The following TASOR2 variants were observed in gnomAD, a reference collection of about 807,000 sequenced individuals.
TASOR2 encodes transcription activation suppressor family member 2.
TASOR2 carries 84 observed loss-of-function variants against 199.5 expected under a neutral mutation model. The ratio of observed to expected loss-of-function variants is 0.42; its 90% CI spans 0.35 to 0.50. The LOEUF (loss-of-function observed/expected upper bound fraction) is 0.50. Ranked by LOEUF, TASOR2 falls within the 20% of genes least tolerant of loss-of-function variation. The pLI, the probability that TASOR2 is intolerant of heterozygous loss-of-function variation, is 0.02. For missense variants in TASOR2, 2,796 were observed against 2,835.9 expected (o/e 0.99, Z 0.32); for synonymous variants, 1,103 against 1,046.6 (o/e 1.05, Z -1.04).
chr10:5,749,327 A>G, exon 15 of TASOR2: 1 of 1,614,198 alleles, frequency 6.2e-7, no homozygotes, highest in African/African-American at 1.3e-5. Flanking sequence ...GTGGCAGACG[A>G]CCTCACCCAG....
At position 5,722,172 on chromosome 10, in the gene TASOR2, G is replaced by C. The variant is rs559717214; in HGVS notation, c.146+1202G>C. ...GGGGTTGTATAAGAAAATTTGCTAGGGGCCAGGCACAGTGGCTCCTGTCTG... is the reference window on the plus strand; with the variant it reads ...GGGGTTGTATAAGAAAATTTGCTAGCGGCCAGGCACAGTGGCTCCTGTCTG... On this transcript the variant is annotated intron_variant, in intron 6 of 20. Transcript: ENST00000328090. The surrounding 1 kb of genome is among the most constrained non-coding windows in gnomAD (Gnocchi z 4.0). 2.6e-5 allele frequency among the ~76,000 whole-genome samples: 4 copies of C among 152,186 alleles called. No individual in the cohort carries two copies. In the East Asian group the frequency reaches 7.7e-4, roughly 29 times the overall value.
chr10:5,717,240 C>G (rs1309789663), intron 2 of TASOR2, among the ~76,000 whole-genome samples: 2 of 152,210 alleles, frequency 1.3e-5, no homozygotes, highest in South Asian at 2.1e-4. Flanking sequence ...TTGACTAGAA[C>G]TGGATAATTT....
chr10:5,739,098 A>C (rs1836014432), intron 12 of TASOR2, among the ~76,000 whole-genome samples: 1 of 152,232 alleles, frequency 6.6e-6, no homozygotes, highest in African/African-American at 2.4e-5. Context: ...AAATCATTTG[A>C]ACTTAGGTAG....
chr10:5,703,349 A>G (rs1838139445), intron 1 of TASOR2, among the ~76,000 whole-genome samples: 1 of 152,094 alleles, frequency 6.6e-6, no homozygotes, highest in African/African-American at 2.4e-5. Context: ...TTTTATGTCT[A>G]ATAAGGCATA....
chr10:5,727,218 GTT>G, intron 10 of TASOR2, 95 bp downstream of exon 11: 1 of 1,303,766 alleles, frequency 7.7e-7, no homozygotes, highest in Non-Finnish European at 1.1e-6. Context: ...ACTGTTGACT[GTT>G]TTTTCCTCTT....
chr10:5,735,128 G>A (rs1404291139), intron 11 of TASOR2, among the ~76,000 whole-genome samples, 176 bp from the exon 13 acceptor site: 1 of 151,962 alleles, frequency 6.6e-6, no homozygotes, highest in African/African-American at 2.4e-5. Flanking sequence ...ATGTGAGAAT[G>A]TTTAACTTTT....
In TASOR2 at chr10:5,754,860, C is replaced by A. The variant is rs558216050; in HGVS notation, c.6607-1753C>A. Among the ~76,000 whole-genome samples, 27 of 151,294 alleles carry A rather than the reference C, an allele frequency of 1.8e-4. 1 individual carries two copies. The South Asian group carries it at 3.1e-3, about 18-fold the overall frequency. Reference sequence around the variant, plus strand: ...AGATTGAGACCTTCCTGGCTAACACCGTGAAACCCCATCTCTACTAAAAAT... The same window carrying A: ...AGATTGAGACCTTCCTGGCTAACACAGTGAAACCCCATCTCTACTAAAAAT... On this transcript the variant is annotated intron_variant, in intron 15 of 20. Transcript: ENST00000328090. The surrounding 1 kb of genome is among the most constrained non-coding windows in gnomAD (Gnocchi z 4.3).
In TASOR2 at chr10:5,726,187, A is replaced by G. The variant is rs1351303638; in HGVS notation, c.352-698A>G. On this transcript the variant is annotated intron_variant, in intron 8 of 20. Transcript: ENST00000328090. ...TGGTAAGCAGTGGAAAAGAAAAACT[A>G]TTAAATTCATGATTTAGAACAACAG... is the stretch of plus-strand genomic sequence containing the variant. Among the ~76,000 whole-genome samples the G allele has an allele frequency of 3.3e-5, 5 of 152,236 alleles. No homozygotes were observed. In the South Asian group the frequency reaches 8.3e-4, roughly 25 times the overall value.
Position 5,730,824 on chromosome 10 carries a change from T to C in TASOR2, c.825T>C (p.Ser275=). 3 of 1,614,238 alleles carry C rather than the reference T, an allele frequency of 1.9e-6. No homozygotes were observed. Among genetic ancestry groups the C allele is most frequent in the South Asian group, 2.2e-5 (2 of 91,082 alleles). Reference sequence around the variant, plus strand: ...CTAGTGCTTACATTTTGGAAGTGTCTACTGCTTTGGACTTGCTAGCAGAGC... The same window carrying C: ...CTAGTGCTTACATTTTGGAAGTGTCCACTGCTTTGGACTTGCTAGCAGAGC... Residue 275 remains serine (S), a synonymous_variant, in exon 11 of 21, where the codon TCT becomes TCC. Transcript: ENST00000328090. The surrounding 1 kb of genome is among the most constrained non-coding windows in gnomAD (Gnocchi z 4.1).
rs186805268 is a variant in TASOR2 at position 5,692,119 on chromosome 10, G to C, written c.-288+6944G>C. Reference sequence around the variant, plus strand: ...GAAACCAGGAGGCAGAGGTTGCAGTGAGCCCAGATTGTGCCACTGCACTCT... The same window carrying C: ...GAAACCAGGAGGCAGAGGTTGCAGTCAGCCCAGATTGTGCCACTGCACTCT... On this transcript the variant is annotated intron_variant, in intron 1 of 20. Transcript: ENST00000328090. 2.8e-3 allele frequency among the ~76,000 whole-genome samples: 341 copies of C among 121,562 alleles called. 2 individuals carry two copies. Among genetic ancestry groups the C allele is most frequent in the African/African-American group, 0.01 (325 of 31,140 alleles). 79.7% of individuals were successfully genotyped at this position (121,562 alleles called of 152,430 possible).
intron 20 of TASOR2, 28 bp downstream of exon 21, chr10:5,762,674 C>CA: frequency 9.3e-7 from 1 of 1,073,000 alleles, no homozygotes; most frequent in Non-Finnish European, 1.4e-6. Flanking sequence ...GTAACTTTCC[C>CA]ATGTGAGTTG....
At chr10:5,731,393 C>T (rs1293851594) in intron 11 of TASOR2, among the ~76,000 whole-genome samples, 190 bp downstream of exon 12, 7 of 152,006 alleles carry the variant, frequency 4.6e-5, no homozygotes, top group African/African-American at 1.7e-4. Context: ...TTGGGTGTGG[C>T]GGTGCGTGCC....
chr10:5,685,076 C>A lies in TASOR2; in HGVS notation c.-387C>A, dbSNP rs1588538393. The A allele has an allele frequency of 2.5e-6, 1 of 398,004 alleles. No homozygotes were observed. Among genetic ancestry groups the A allele is most frequent in the Non-Finnish European group, 4.4e-6 (1 of 225,650 alleles). 24.7% of individuals were successfully genotyped at this position (398,004 alleles called of 1,614,324 possible). On this transcript the variant is annotated 5_prime_UTR_variant, in exon 1 of 21. Coordinates refer to ENST00000328090, the Ensembl canonical transcript of TASOR2. This position sits in a 1 kb window ranked among gnomAD's most constrained non-coding sequence, Gnocchi z 5.4. ...GTGCTTCCCACGTGCGCCGGTGTCGCGAGGGCCCGGGAGGACGCAGAGCAC... is the reference window on the plus strand; with the variant it reads ...GTGCTTCCCACGTGCGCCGGTGTCGAGAGGGCCCGGGAGGACGCAGAGCAC...
intron 17 of TASOR2, 93 bp downstream of exon 18, chr10:5,757,766 A>C (rs532919610): frequency 7.3e-7 from 1 of 1,372,894 alleles, no homozygotes; most frequent in Non-Finnish European, 1.0e-6. Context: ...GAAATGATCA[A>C]CTCTAAGGAA....
chr10:5,693,985 T>G (rs1836815041), intron 1 of TASOR2, among the ~76,000 whole-genome samples: 1 of 152,112 alleles, frequency 6.6e-6, no homozygotes, highest in Non-Finnish European at 1.5e-5. Flanking sequence ...GTTCTAATGC[T>G]TTAAAGAAAA....
At chr10:5,731,169 A>G in exon 11 of TASOR2, 1 of 1,607,150 alleles carries the variant, frequency 6.2e-7, no homozygotes. Flanking sequence ...CTCTTAAGTT[A>G]GTTAAAGGAC....
Position 5,748,707 on chromosome 10 carries a change from C to T in TASOR2, c.5286C>T (p.Asp1762=). The change falls in exon 15 of 21, where the codon GAC becomes GAT. Residue 1762 remains aspartate, a synonymous_variant. Coordinates refer to ENST00000328090, the Ensembl canonical transcript of TASOR2. This position sits in a 1 kb window ranked among gnomAD's most constrained non-coding sequence, Gnocchi z 5.1. Reference sequence around the variant, plus strand: ...CTGGTCCCTACCAAAATACAGCAGACACCAAGGAAAACCTCAGTAAAGAGC... The same window carrying T: ...CTGGTCCCTACCAAAATACAGCAGATACCAAGGAAAACCTCAGTAAAGAGC... The T allele has an allele frequency of 1.2e-6, 2 of 1,614,224 alleles. No individual in the cohort carries two copies. Among genetic ancestry groups the T allele is most frequent in the South Asian group, 1.1e-5 (1 of 91,092 alleles).
In TASOR2 at chr10:5,746,653, T is replaced by C. The variant is rs763280169; in HGVS notation, c.3232T>C (p.Phe1078Leu). ...AAATACTGCTGATGAACGTACAACC[T>C]TTAAGAAGGAGTTGATTAAGCAAGT... Residue 1078 changes from phenylalanine (F) to leucine (L), a missense_variant, in exon 15 of 21, where the codon TTT becomes CTT. By Grantham distance (22) the Phe-to-Leu change is conservative. Coordinates refer to ENST00000328090, the Ensembl canonical transcript of TASOR2. 114 of 1,613,864 alleles carry C rather than the reference T, an allele frequency of 7.1e-5. No individual in the cohort carries two copies. The Admixed American group carries it at 1.9e-3, about 26-fold the overall frequency.
intron 2 of TASOR2, among the ~76,000 whole-genome samples, chr10:5,715,209 A>G (rs1283342772): frequency 7.6e-6 from 1 of 131,232 alleles, no homozygotes; most frequent in Non-Finnish European, 1.6e-5. Context: ...TCATGGCTAG[A>G]TTCCTGCTGA....
Sources: gnomAD v4.1 joint callset for allele counts (sites outside exome capture counted in the v4.1 genomes callset) on GRCh38, gnomAD v4.1.1 for gene constraint, Gnocchi (gnomAD v3.1) non-coding constraint, MANE v1.5 for transcripts, NCBI Gene and HGNC (gene_info 2026-07-23, HGNC 2026-07-21) for gene names.